The following MBP variants were observed in gnomAD, a reference collection of about 807,000 sequenced individuals.
MBP encodes myelin basic protein, also known as Golli-MBP.
A neutral mutation model predicts 35.8 loss-of-function variants in MBP; 16 were observed. The observed-to-expected ratio is 0.45, with a 90% CI of 0.30 to 0.68. The LOEUF (loss-of-function observed/expected upper bound fraction) is 0.68. Among genes scored for constraint, MBP ranks in the 30% least tolerant of loss-of-function variants. The pLI is 0.08. For synonymous variants in MBP, 143 were observed against 159.6 expected (o/e 0.90, Z 0.78); for missense variants, 380 against 404.7 (o/e 0.94, Z 0.52).
intron 1 of MBP, among the ~76,000 whole-genome samples, chr18:77,122,550 A>G (rs1221905491): frequency 6.6e-6 from 1 of 152,162 alleles, no homozygotes; most frequent in Non-Finnish European, 1.5e-5. Flanking sequence ...TCTTTTCTTT[A>G]AATTTTTTAT....
intron 4 of MBP, chr18:77,012,680 A>C: frequency 1.7e-6 from 1 of 577,230 alleles, no homozygotes; most frequent in Non-Finnish European, 2.2e-6. Flanking sequence ...CTTACCTGCC[A>C]GCTGTGTCAC....
chr18:76,985,993 T>A, intron 7 of MBP: 1 of 985,580 alleles, frequency 1.0e-6, no homozygotes, highest in Non-Finnish European at 1.2e-6. Context: ...CTCTACTTGC[T>A]ACTGTGCTGT....
At chr18:77,057,927 C>A (rs1221144277) in intron 3 of MBP, among the ~76,000 whole-genome samples, 1 of 19,678 alleles carries the variant, frequency 5.1e-5, no homozygotes, top group African/African-American at 5.1e-4. Context: ...CCCGGGTTCA[C>A]GCCATTCTCC....
chr18:77,131,097 A>ACGCGCG lies in MBP; in HGVS notation c.-26+1482_-26+1483insCGCGCG, dbSNP rs1977250338. 1.3e-5 allele frequency among the ~76,000 whole-genome samples: 1 copy of ACGCGCG among 79,002 alleles called. No homozygotes were observed. Among genetic ancestry groups the ACGCGCG allele is most frequent in the East Asian group, 3.7e-4 (1 of 2,670 alleles). 51.8% of individuals were successfully genotyped at this position (79,002 alleles called of 152,430 possible). The stretch of plus-strand genomic sequence containing the variant: ...CGCGCACGCACGCGCACACACACAC[A>ACGCGCG]CACACACACACACACACACACACCC... On this transcript the variant is annotated intron_variant, in intron 1 of 8. Coordinates refer to ENST00000355994, the MANE Select transcript of MBP (RefSeq NM_001025101.2). The surrounding 1 kb of genome is among the most constrained non-coding windows in gnomAD (Gnocchi z 5.5).
At chr18:77,031,993 C>G (rs78421632) in intron 3 of MBP, among the ~76,000 whole-genome samples, 1,969 of 152,326 alleles carry the variant, frequency 0.013, 47 homozygotes, top group African/African-American at 0.045. Flanking sequence ...GCAACGACAA[C>G]AAGTGTGTTT....
At chr18:77,041,555 G>T (rs918770933) in intron 3 of MBP, among the ~76,000 whole-genome samples, 6 of 152,042 alleles carry the variant, frequency 3.9e-5, no homozygotes, top group South Asian at 2.1e-4. Flanking sequence ...TAGACTGGAT[G>T]AAGAAAATGT....
At chr18:77,116,239 G>A (rs1405667215) in intron 1 of MBP, among the ~76,000 whole-genome samples, 1 of 152,196 alleles carries the variant, frequency 6.6e-6, no homozygotes, top group Non-Finnish European at 1.5e-5. Context: ...GAAAGAGAAT[G>A]CAATGTGTGG....
At chr18:77,021,295 G>T (rs984586830) in intron 3 of MBP, among the ~76,000 whole-genome samples, 1 of 152,124 alleles carries the variant, frequency 6.6e-6, no homozygotes, top group South Asian at 2.1e-4. Context: ...ACACACACAC[G>T]CAAACAGGCA....
intron 3 of MBP, among the ~76,000 whole-genome samples, chr18:77,018,432 A>C (rs1313340767): frequency 3.0e-5 from 3 of 99,608 alleles, no homozygotes; most frequent in African/African-American, 6.6e-5. Flanking sequence ...CTATCCACTC[A>C]TGCATGCATG....
chr18:77,010,729 A>G (rs566652466), intron 4 of MBP, among the ~76,000 whole-genome samples: 7 of 152,354 alleles, frequency 4.6e-5, no homozygotes, highest in South Asian at 2.1e-4. Flanking sequence ...CCTAAGTAGC[A>G]TTAGCTCCTA....
chr18:77,057,846 A>T, intron 3 of MBP, among the ~76,000 whole-genome samples: 1 of 74 alleles, frequency 0.014, no homozygotes, highest in African/African-American at 0.056. Flanking sequence ...TTTTTTTTTG[A>T]GACGGAGTCT....
At chr18:77,058,518 C>A (rs1242924166) in intron 3 of MBP, among the ~76,000 whole-genome samples, 1 of 152,218 alleles carries the variant, frequency 6.6e-6, no homozygotes, top group East Asian at 1.9e-4. Flanking sequence ...CCGGCTGATG[C>A]GACGCCCACA....
chr18:77,013,111 T>C (rs1156948172), intron 4 of MBP: 1 of 985,332 alleles, frequency 1.0e-6, no homozygotes, highest in African/African-American at 1.7e-5. Flanking sequence ...GTAATGAGAC[T>C]TTGAGAGGAA....
At position 76,979,835 on chromosome 18, in the gene MBP, G is replaced by A; in HGVS notation, c.*592C>T. ...CCCCCTCTCTGTGCTGCCCCACGTT[G>A]GACTCTAACAGCTGCCCAGCCCGCA... On this transcript the variant is annotated 3_prime_UTR_variant, in exon 9 of 9. Coordinates refer to ENST00000355994, the MANE Select transcript of MBP (RefSeq NM_001025101.2). 1 of 642,214 alleles carries A rather than the reference G, an allele frequency of 1.6e-6. No homozygotes were observed. The highest frequency in any genetic ancestry group is 1.8e-5 in the African/African-American group (1 of 55,192). The allele number at this position is 642,214 out of a possible 1,614,324, so 39.8% of individuals were successfully genotyped here. A position where few individuals can be genotyped will look rare whatever the true frequency, so the allele number is the denominator to read the frequency against.
At chr18:77,027,882 T>C (rs115997610) in intron 3 of MBP, among the ~76,000 whole-genome samples, 2,958 of 152,212 alleles carry the variant, frequency 0.019, 103 homozygotes, top group African/African-American at 0.066. Context: ...AAAGACAAGG[T>C]CTTGCTGTGT....
intron 7 of MBP, chr18:76,985,920 T>A (rs1243738850): frequency 1.0e-6 from 1 of 986,302 alleles, no homozygotes; most frequent in Non-Finnish European, 1.2e-6. Flanking sequence ...TCTGGCTTCC[T>A]CATGGGCCGT....
intron 2 of MBP, among the ~76,000 whole-genome samples, chr18:77,087,980 G>A (rs958919941): frequency 6.6e-6 from 1 of 152,084 alleles, no homozygotes; most frequent in Non-Finnish European, 1.5e-5. Context: ...AGCGGGAGGA[G>A]CAGGCAGGTT....
intron 3 of MBP, among the ~76,000 whole-genome samples, chr18:77,042,901 C>G (rs1373878123): frequency 6.6e-6 from 1 of 152,224 alleles, no homozygotes; most frequent in Non-Finnish European, 1.5e-5. Context: ...CAGGCAAGAA[C>G]ATGATTTTCC....
chr18:76,989,938 C>T lies in MBP; in HGVS notation c.681+18G>A. The T allele has an allele frequency of 6.3e-7, 1 of 1,599,570 alleles. No individual in the cohort carries two copies. Among genetic ancestry groups the T allele is most frequent in the Non-Finnish European group, 8.6e-7 (1 of 1,168,598 alleles). ...TCCCCCTCACAGTTGCTACCTCTTC[C>T]CATCGATCGTCACTTACAATGTTCT... On this transcript the variant is annotated intron_variant, in intron 5 of 8. Coordinates refer to ENST00000355994, the MANE Select transcript of MBP (RefSeq NM_001025101.2). This position sits in a 1 kb window ranked among gnomAD's most constrained non-coding sequence, Gnocchi z 4.0.
Sources: allele counts gnomAD v4.1 joint callset (sites outside exome capture counted in the v4.1 genomes callset), GRCh38; gene constraint gnomAD v4.1.1; non-coding constraint Gnocchi (gnomAD v3.1); transcripts MANE v1.5; gene names NCBI Gene and HGNC (gene_info 2026-07-23, HGNC 2026-07-21).